The following RYR2 variants were observed in gnomAD, a reference collection of about 807,000 sequenced individuals.
RYR2 encodes ryanodine receptor 2.
Under a neutral mutation model 601.1 loss-of-function variants are expected in RYR2, and 227 were observed. The ratio of observed to expected loss-of-function variants is 0.38; its 90% CI spans 0.34 to 0.42. RYR2 has a LOEUF of 0.42. Ranked by LOEUF, RYR2 falls within the 10% of genes least tolerant of loss-of-function variation. The probability of loss-of-function intolerance (pLI) is 1.00; values close to 1 mark genes in which losing one functional copy is unlikely to be tolerated. For missense variants in RYR2, 4,646 were observed against 6,156.5 expected (o/e 0.75, Z 8.21); for synonymous variants, 2,223 against 2,175.1 (o/e 1.02, Z -0.61).
At chr1:237,272,753 C>G in intron 2 of RYR2, among the ~76,000 whole-genome samples, 1 of 151,238 alleles carries the variant, frequency 6.6e-6, no homozygotes, top group Admixed American at 6.6e-5. Context: ...AAATAAGAGA[C>G]ACTATGAAAG....
rs376966521 is a variant in RYR2 at position 237,667,976 on chromosome 1, C to T, written c.8590+18C>T. On this transcript the variant is annotated intron_variant, in intron 58 of 104. Coordinates refer to ENST00000366574, the MANE Select transcript of RYR2 (RefSeq NM_001035.3). ...GTCCAAAGGTAATATTTTCTAAAAA[C>T]GTTTATTAAAAAATAATCTGAGCTC... The T allele has an allele frequency of 1.6e-5, 24 of 1,538,440 alleles. No homozygotes were observed. Among genetic ancestry groups the T allele is most frequent in the Non-Finnish European group, 1.9e-5 (22 of 1,138,342 alleles).
chr1:237,090,030 G>A (rs1023554194), intron 1 of RYR2, among the ~76,000 whole-genome samples: 1 of 152,186 alleles, frequency 6.6e-6, no homozygotes, highest in Non-Finnish European at 1.5e-5. Context: ...TCTTCACAGG[G>A]CGGCAGGAGA....
chr1:237,420,496 T>C (rs1393578622), intron 11 of RYR2, among the ~76,000 whole-genome samples: 3 of 152,206 alleles, frequency 2.0e-5, no homozygotes, highest in Non-Finnish European at 4.4e-5. Context: ...TTTTAGTTTT[T>C]ACTACATATG....
intron 2 of RYR2, among the ~76,000 whole-genome samples, chr1:237,284,505 A>AATATAATATGTAAATATATAT (rs1553380508): frequency 7.0e-6 from 1 of 142,008 alleles, no homozygotes; most frequent in African/African-American, 2.7e-5. Flanking sequence ...AATATATATA[A>AATATAATATGTAAATATATAT]AATATATATA....
At chr1:237,537,328 T>G in intron 25 of RYR2, among the ~76,000 whole-genome samples, 1 of 151,858 alleles carries the variant, frequency 6.6e-6, no homozygotes, top group East Asian at 1.9e-4. Context: ...TTTTTGTTTG[T>G]TTTGTTTTGT....
chr1:237,248,388 T>A (rs754329613), intron 1 of RYR2, among the ~76,000 whole-genome samples: 12 of 151,240 alleles, frequency 7.9e-5, no homozygotes, highest in Non-Finnish European at 1.3e-4. Flanking sequence ...GCTATTTGAC[T>A]AAGTCATGTT....
chr1:237,537,622 A>G (rs1668787943), intron 25 of RYR2, among the ~76,000 whole-genome samples: 1 of 152,130 alleles, frequency 6.6e-6, no homozygotes, highest in African/African-American at 2.4e-5. Context: ...GCCTAAATAT[A>G]GTTTTTATAG....
intron 1 of RYR2, among the ~76,000 whole-genome samples, chr1:237,072,417 T>C (rs899573147): frequency 2.0e-5 from 3 of 152,068 alleles, no homozygotes; most frequent in African/African-American, 7.2e-5. Context: ...GAGAGACAGA[T>C]GAAGAGAATA....
At chr1:237,436,454 C>CTATTTTTTTTTTTTTTTTTTTTTT (rs1707368171) in intron 12 of RYR2, among the ~76,000 whole-genome samples, 1 of 48,730 alleles carries the variant, frequency 2.1e-5, no homozygotes, top group African/African-American at 9.9e-5. Flanking sequence ...TGTGATTTTC[C>CTATTTTTTTTTTTTTTTTTTTTTT]TTTTTTTTTT....
intron 1 of RYR2, among the ~76,000 whole-genome samples, chr1:237,222,140 C>T (rs12405492): frequency 3.3e-5 from 5 of 151,968 alleles, no homozygotes; most frequent in African/African-American, 7.3e-5. Flanking sequence ...TTGGGCCAGG[C>T]GCGGTGGCTC....
intron 97 of RYR2, among the ~76,000 whole-genome samples, chr1:237,799,254 T>C (rs1574002034): frequency 6.6e-6 from 1 of 152,318 alleles, no homozygotes; most frequent in East Asian, 1.9e-4. Flanking sequence ...TGGGCAATCC[T>C]TAGGATCTGT....
At chr1:237,336,448 A>G (rs977244487) in intron 3 of RYR2, among the ~76,000 whole-genome samples, 123 of 152,352 alleles carry the variant, frequency 8.1e-4, no homozygotes, top group African/African-American at 2.7e-3. Context: ...TAAATTATGT[A>G]CTGTCTTCAA....
chr1:237,582,357 A>T (rs1572966190), intron 29 of RYR2, among the ~76,000 whole-genome samples: 1 of 148,132 alleles, frequency 6.8e-6, no homozygotes, highest in African/African-American at 2.5e-5. Context: ...TGATCTGCCC[A>T]CCTTGGCCTC....
At chr1:237,388,791 TA>T (rs1702143984) in intron 10 of RYR2, among the ~76,000 whole-genome samples, 1 of 152,198 alleles carries the variant, frequency 6.6e-6, no homozygotes, top group Admixed American at 6.5e-5. Flanking sequence ...CCTTACAAAT[TA>T]ATCAATGAAT....
At chr1:237,308,763 C>T (rs1694188868) in intron 2 of RYR2, among the ~76,000 whole-genome samples, 1 of 152,192 alleles carries the variant, frequency 6.6e-6, no homozygotes, top group African/African-American at 2.4e-5. Context: ...AAGAACAAAG[C>T]TTCTACACCG....
At chr1:237,446,104 C>T (rs148802033) in intron 14 of RYR2, among the ~76,000 whole-genome samples, 40 of 152,224 alleles carry the variant, frequency 2.6e-4, no homozygotes, top group African/African-American at 9.4e-4. Context: ...TGTGAGCCAC[C>T]GTGCCCAGCC....
At chr1:237,622,221 AT>A (rs1679149873) in intron 38 of RYR2, among the ~76,000 whole-genome samples, 1 of 152,200 alleles carries the variant, frequency 6.6e-6, no homozygotes, top group African/African-American at 2.4e-5. Context: ...ATTTAATAGT[AT>A]TGTTCAAACA....
At position 237,709,009 on chromosome 1, in the gene RYR2, A is replaced by G; in HGVS notation, c.10053A>G (p.Ala3351=). ...KAEARGDMSE[A]ELLILDEFTT... ...AGGCCAGGGGGGACATGTCGGAGGCAGAACTCCTCATCCTAGATGAGTTCA... is the reference window on the plus strand; with the variant it reads ...AGGCCAGGGGGGACATGTCGGAGGCGGAACTCCTCATCCTAGATGAGTTCA... Residue 3351 remains alanine (A), a synonymous_variant, in exon 69 of 105, where the codon GCA becomes GCG. Coordinates refer to ENST00000366574, the MANE Select transcript of RYR2 (RefSeq NM_001035.3). 6.2e-7 allele frequency: 1 copy of G among 1,613,398 alleles called. No homozygotes were observed. Among genetic ancestry groups the G allele is most frequent in the Non-Finnish European group, 8.5e-7 (1 of 1,179,372 alleles).
At chr1:237,071,780 G>T (rs919962046) in intron 1 of RYR2, among the ~76,000 whole-genome samples, 1 of 152,190 alleles carries the variant, frequency 6.6e-6, no homozygotes, top group African/African-American at 2.4e-5. Context: ...TGCCCAGGCT[G>T]TGCACACCGA....
Sources: allele counts gnomAD v4.1 joint callset (sites outside exome capture counted in the v4.1 genomes callset), GRCh38; gene constraint gnomAD v4.1.1; transcripts MANE v1.5; gene names NCBI Gene and HGNC (gene_info 2026-07-23, HGNC 2026-07-21).